The following MME variants were observed in gnomAD, a reference collection of about 807,000 sequenced individuals.
MME encodes the protein membrane metalloendopeptidase, also known as neprilysin.
Under a neutral mutation model 113.2 loss-of-function variants are expected in MME, and 98 were observed. The ratio of observed to expected loss-of-function variants is 0.87; its 90% CI spans 0.74 to 1.02. The LOEUF is 1.02. MME is among the 50% of genes least tolerant of loss of function. The pLI is 0.00. For missense variants in MME, 836 were observed against 896.0 expected (o/e 0.93, Z 0.86); for synonymous variants, 292 against 300.6 (o/e 0.97, Z 0.30).
chr3:155,086,990 T>C (rs897018330), intron 3 of MME, among the ~76,000 whole-genome samples: 17 of 112,852 alleles, frequency 1.5e-4, no homozygotes, highest in Non-Finnish European at 1.9e-5. Flanking sequence ...TTTTTTGTTT[T>C]TTTTGTTTTT....
Position 155,150,035 on chromosome 3 carries a change from G to A in MME, c.1601+1382G>A, listed in dbSNP as rs551869864. On this transcript the variant is annotated intron_variant, in intron 16 of 22. Coordinates refer to ENST00000360490, the MANE Select transcript of MME (RefSeq NM_007289.4). ...AAAAGTTATGCAAAATAATTATCTG[G>A]GTGAATTTATGATCTGAGAAATTTC... Among the ~76,000 whole-genome samples the A allele has an allele frequency of 3.9e-5, 6 of 152,086 alleles. No homozygotes were observed. The South Asian group carries it at 1.0e-3, about 26-fold the overall frequency.
At chr3:155,060,991 T>G (rs552494709) in intron 1 of MME, among the ~76,000 whole-genome samples, 1 of 152,280 alleles carries the variant, frequency 6.6e-6, no homozygotes, top group East Asian at 1.9e-4. Flanking sequence ...AATATCCCTT[T>G]GGAGTTTTGG....
intron 2 of MME, 23 bp downstream of exon 2, chr3:155,084,350 C>T: frequency 6.2e-7 from 1 of 1,612,304 alleles, no homozygotes; most frequent in Non-Finnish European, 8.5e-7. Flanking sequence ...CACACCTGTG[C>T]ATCCATAAGT....
upstream of MME, among the ~76,000 whole-genome samples, chr3:155,078,231 AT>A (rs1483711996): frequency 6.6e-6 from 1 of 152,114 alleles, no homozygotes; most frequent in African/African-American, 2.4e-5. Context: ...GGAAAAAAAA[AT>A]TCCAGTTGAG....
intron 1 of MME, among the ~76,000 whole-genome samples, chr3:155,028,402 C>G (rs996892215): frequency 1.3e-5 from 2 of 152,138 alleles, no homozygotes; most frequent in Non-Finnish European, 2.9e-5. Flanking sequence ...ATAGAGAGGA[C>G]AGTTAGGGTA....
intron 17 of MME, among the ~76,000 whole-genome samples, chr3:155,166,002 C>A (rs1476495547): frequency 6.6e-6 from 1 of 152,126 alleles, no homozygotes; most frequent in Non-Finnish European, 1.5e-5. Flanking sequence ...AGTAGACATA[C>A]TGAAAACTAC....
At chr3:155,145,870 G>C (rs1458669811) in intron 14 of MME, among the ~76,000 whole-genome samples, 2 of 152,054 alleles carry the variant, frequency 1.3e-5, no homozygotes, top group African/African-American at 4.8e-5. Context: ...GGATTGTCAT[G>C]ACTGATGGCA....
chr3:155,135,284 C>A (rs1054190439), intron 8 of MME, among the ~76,000 whole-genome samples: 4 of 152,162 alleles, frequency 2.6e-5, no homozygotes, highest in Non-Finnish European at 4.4e-5. Context: ...ACATTTAAAT[C>A]TTTAATCCAT....
intron 8 of MME, among the ~76,000 whole-genome samples, chr3:155,124,138 A>G (rs1211426699): frequency 6.7e-6 from 1 of 149,026 alleles, no homozygotes; most frequent in Non-Finnish European, 1.5e-5. Context: ...GTTTTTCTCT[A>G]AACTTCCCTT....
At chr3:155,065,810 C>A (rs977482440) in intron 1 of MME, among the ~76,000 whole-genome samples, 1 of 152,144 alleles carries the variant, frequency 6.6e-6, no homozygotes, top group Non-Finnish European at 1.5e-5. Context: ...TAATTAGAAG[C>A]ATTTCATACA....
In MME at chr3:155,181,025, G is replaced by A. The variant is rs928703514; in HGVS notation, c.*566G>A. 6.5e-6 allele frequency: 1 copy of A among 154,306 alleles called. No individual in the cohort carries two copies. Among genetic ancestry groups the A allele is most frequent in the African/African-American group, 2.4e-5 (1 of 41,392 alleles). The allele number at this position is 154,306 out of a possible 1,614,324, so 9.6% of individuals were successfully genotyped here. On this transcript the variant is annotated 3_prime_UTR_variant, in exon 23 of 23. Transcript: ENST00000360490. ...GCCATACATCAGTTATTCATTCTGT[G>A]ATCATTTATTTTAAGCACTCTTAAA...
At chr3:155,094,764 C>G (rs1455353505) in intron 3 of MME, among the ~76,000 whole-genome samples, 1 of 152,134 alleles carries the variant, frequency 6.6e-6, no homozygotes, top group Non-Finnish European at 1.5e-5. Flanking sequence ...AAAAGCCTAC[C>G]ATCAGGGACA....
intron 8 of MME, among the ~76,000 whole-genome samples, chr3:155,135,214 G>A (rs1253089607): frequency 6.6e-6 from 1 of 152,052 alleles, no homozygotes; most frequent in Non-Finnish European, 1.5e-5. Context: ...TCTTTCCCAA[G>A]GCTGGCATCC....
intron 3 of MME, among the ~76,000 whole-genome samples, chr3:155,106,552 T>C (rs1717705608): frequency 6.6e-6 from 1 of 152,208 alleles, no homozygotes; most frequent in Non-Finnish European, 1.5e-5. Flanking sequence ...AGATTCCAGT[T>C]TTCACATTGC....
rs887641184 is a variant in MME at position 155,182,638 on chromosome 3, A to G, written c.*2179A>G. The G allele has an allele frequency of 1.3e-5, 2 of 152,230 alleles. No individual in the cohort carries two copies. Among genetic ancestry groups the G allele is most frequent in the African/African-American group, 4.8e-5 (2 of 41,468 alleles). The allele number at this position is 152,230 out of a possible 1,614,324, so 9.4% of individuals were successfully genotyped here. ...GTCTCTAACTTATTTTATTTCCATC[A>G]TGTCAGAGCAGGTGAAGAGCCAGAA... On this transcript the variant is annotated 3_prime_UTR_variant, in exon 23 of 23. Transcript: ENST00000360490.
chr3:155,142,788 T>C (rs1438877688), intron 12 of MME, among the ~76,000 whole-genome samples: 1 of 152,130 alleles, frequency 6.6e-6, no homozygotes, highest in East Asian at 1.9e-4. Context: ...ATACCTATAT[T>C]ATTTAAACAA....
intron 21 of MME, 58 bp from the exon 22 acceptor site, chr3:155,172,478 C>A: frequency 7.3e-7 from 1 of 1,379,156 alleles, no homozygotes; most frequent in Non-Finnish European, 1.0e-6. Context: ...CTTGCTCAAA[C>A]AAATAATCCT....
intron 1 of MME, among the ~76,000 whole-genome samples, chr3:155,062,385 T>C (rs115952796): frequency 0.01 from 1,566 of 152,306 alleles, 28 homozygotes; most frequent in African/African-American, 0.036. Context: ...TTTATTGTCT[T>C]TGGACATTCA....
chr3:155,047,434 C>T (rs1713596221), intron 1 of MME, among the ~76,000 whole-genome samples: 1 of 152,116 alleles, frequency 6.6e-6, no homozygotes, highest in Admixed American at 6.6e-5. Flanking sequence ...CACACAACAA[C>T]AAAAATCACC....
Sources: gnomAD v4.1 joint callset for allele counts (sites outside exome capture counted in the v4.1 genomes callset) on GRCh38, gnomAD v4.1.1 for gene constraint, MANE v1.5 for transcripts, NCBI Gene and HGNC (gene_info 2026-07-23, HGNC 2026-07-21) for gene names.